TGFBR3: variants seen among roughly 807,000 people sequenced by gnomAD.
TGFBR3 encodes the protein transforming growth factor beta receptor type 3.
A neutral mutation model predicts 87.9 loss-of-function variants in TGFBR3; 46 were observed. The ratio of observed to expected loss-of-function variants is 0.52; its 90% confidence interval spans 0.41 to 0.67. TGFBR3 has a LOEUF of 0.67. Among genes scored for constraint, TGFBR3 ranks in the 30% least tolerant of loss-of-function variants. The pLI is 0.00. For missense variants in TGFBR3, 866 were observed against 1,041.9 expected (o/e 0.83, Z 2.32); for synonymous variants, 381 against 391.6 (o/e 0.97, Z 0.32).
intron 14 of TGFBR3, among the ~76,000 whole-genome samples, chr1:91,705,715 T>A (rs1451815689): frequency 6.6e-6 from 1 of 152,192 alleles, no homozygotes; most frequent in Non-Finnish European, 1.5e-5. Context: ...AAAGCAAATT[T>A]GCATACAGCC....
chr1:91,830,235 A>G (rs1676804516), intron 2 of TGFBR3, among the ~76,000 whole-genome samples: 1 of 152,188 alleles, frequency 6.6e-6, no homozygotes, highest in Non-Finnish European at 1.5e-5. Flanking sequence ...CTCTGGCATA[A>G]CCAAGATCAG....
At chr1:91,855,082 A>T (rs1677887929) in intron 2 of TGFBR3, among the ~76,000 whole-genome samples, 1 of 152,214 alleles carries the variant, frequency 6.6e-6, no homozygotes, top group African/African-American at 2.4e-5. Context: ...AGACACAAAG[A>T]GTTCAGAGCT....
At chr1:91,735,794 T>C (rs17882002) in intron 4 of TGFBR3, among the ~76,000 whole-genome samples, 6,244 of 152,302 alleles carry the variant, frequency 0.041, 435 homozygotes, top group African/African-American at 0.14. Flanking sequence ...GGTGAAAATA[T>C]GTATGCCATT....
intron 16 of TGFBR3, among the ~76,000 whole-genome samples, chr1:91,687,193 T>A (rs1444130477): frequency 2.0e-5 from 3 of 152,096 alleles, no homozygotes; most frequent in Non-Finnish European, 4.4e-5. Flanking sequence ...CCAGGTGCAG[T>A]CACTTACAGT....
intron 4 of TGFBR3, among the ~76,000 whole-genome samples, chr1:91,736,255 A>C (rs773032870): frequency 2.4e-4 from 35 of 143,672 alleles, no homozygotes; most frequent in Admixed American, 6.5e-4. Flanking sequence ...TACATGTTCC[A>C]CTCTGGTTTT....
chr1:91,708,638 T>G, intron 14 of TGFBR3, 25 bp downstream of exon 14: 1 of 1,613,824 alleles, frequency 6.2e-7, no homozygotes, highest in East Asian at 2.2e-5. Context: ...GGCCCCATGC[T>G]CTGATCGTGC....
At chr1:91,717,780 A>G (rs1206012012) in intron 10 of TGFBR3, among the ~76,000 whole-genome samples, 1 of 151,984 alleles carries the variant, frequency 6.6e-6, no homozygotes, top group Non-Finnish European at 1.5e-5. Flanking sequence ...GGATATTGCT[A>G]AACTCAAAGA....
chr1:91,856,241 T>C (rs1677946985), intron 2 of TGFBR3, among the ~76,000 whole-genome samples: 1 of 152,174 alleles, frequency 6.6e-6, no homozygotes, highest in Non-Finnish European at 1.5e-5. Flanking sequence ...TTTGTTTTTG[T>C]ACTTTTAGTA....
At chr1:91,695,995 T>C (rs1671424917) in intron 15 of TGFBR3, among the ~76,000 whole-genome samples, 1 of 152,232 alleles carries the variant, frequency 6.6e-6, no homozygotes, top group South Asian at 2.1e-4. Context: ...TATTCTCAGT[T>C]TGCAATTTAT....
chr1:91,726,527 A>T (rs1440913281), intron 7 of TGFBR3, among the ~76,000 whole-genome samples: 1 of 77,866 alleles, frequency 1.3e-5, no homozygotes, highest in African/African-American at 4.8e-5. Context: ...GCAAAGTTAT[A>T]AAAAAAAAAA....
intron 2 of TGFBR3, among the ~76,000 whole-genome samples, chr1:91,860,197 A>G (rs1456785136): frequency 6.6e-6 from 1 of 152,226 alleles, no homozygotes; most frequent in Non-Finnish European, 1.5e-5. Flanking sequence ...TAAAATGCCA[A>G]ATTAATTCTA....
At chr1:91,881,966 G>A (rs1227644390) in intron 1 of TGFBR3, among the ~76,000 whole-genome samples, 1 of 151,846 alleles carries the variant, frequency 6.6e-6, no homozygotes, top group Non-Finnish European at 1.5e-5. Context: ...TTGAACCTGG[G>A]AGGCGGAGGT....
At chr1:91,714,840 T>C (rs1672105212) in intron 12 of TGFBR3, among the ~76,000 whole-genome samples, 2 of 152,158 alleles carry the variant, frequency 1.3e-5, no homozygotes, top group African/African-American at 4.8e-5. Flanking sequence ...AGGCAGTATA[T>C]TTTCCCCAAT....
rs111872810 is a variant in TGFBR3 at position 91,714,979 on chromosome 1, A to G, written c.1866+1257T>C. Among the ~76,000 whole-genome samples, 12 of 152,338 alleles carry G rather than the reference A, an allele frequency of 7.9e-5. 1 individual carries two copies. Among genetic ancestry groups the G allele is most frequent in the African/African-American group, 2.9e-4 (12 of 41,576 alleles). On this transcript the variant is annotated intron_variant, in intron 12 of 16. Transcript: ENST00000212355. Reference sequence around the variant, plus strand: ...CAGAGTCAGTGCGAATGTGAGAGTTATGTGTCTTTCCAAAACAGAAACACG... The same window carrying G: ...CAGAGTCAGTGCGAATGTGAGAGTTGTGTGTCTTTCCAAAACAGAAACACG...
chr1:91,821,040 AAT>A (rs775927220), intron 2 of TGFBR3, among the ~76,000 whole-genome samples: 1 of 152,244 alleles, frequency 6.6e-6, no homozygotes, highest in Non-Finnish European at 1.5e-5. Flanking sequence ...CATTAAAAGT[AAT>A]AGTAATGGCC....
intron 2 of TGFBR3, among the ~76,000 whole-genome samples, chr1:91,843,542 C>A (rs1452935460): frequency 1.3e-5 from 2 of 152,218 alleles, no homozygotes; most frequent in Non-Finnish European, 2.9e-5. Flanking sequence ...TAGGTAAGTA[C>A]TATGGTAACA....
intron 12 of TGFBR3, among the ~76,000 whole-genome samples, chr1:91,714,464 G>A (rs1457139042): frequency 6.6e-6 from 1 of 152,144 alleles, no homozygotes; most frequent in Non-Finnish European, 1.5e-5. Context: ...TTATGAAAGG[G>A]ACTGTATGGT....
chr1:91,878,021 TATGTA>T (rs1678923225), intron 1 of TGFBR3, among the ~76,000 whole-genome samples: 1 of 152,218 alleles, frequency 6.6e-6, no homozygotes, highest in Admixed American at 6.5e-5. Flanking sequence ...ATGCAAAATG[TATGTA>T]ATGAGTCAAT....
chr1:91,737,272 G>A (rs564667025), intron 4 of TGFBR3, among the ~76,000 whole-genome samples: 3 of 152,278 alleles, frequency 2.0e-5, no homozygotes, highest in African/African-American at 7.2e-5. Context: ...AGCAAGGAGT[G>A]AGCTAGCACT....
Sources: allele counts gnomAD v4.1 joint callset (sites outside exome capture counted in the v4.1 genomes callset), GRCh38; gene constraint gnomAD v4.1.1; transcripts MANE v1.5; gene names NCBI Gene and HGNC (gene_info 2026-07-23, HGNC 2026-07-21).